The following SETBP1 variants were observed in gnomAD, a reference collection of about 807,000 sequenced individuals.
SETBP1 encodes the protein SET binding protein 1, also known as SET-binding protein.
Under a neutral mutation model 101.0 loss-of-function variants are expected in SETBP1, and 9 were observed. The ratio of observed to expected loss-of-function variants is 0.09; its 90% CI spans 0.05 to 0.16. The LOEUF is 0.16. SETBP1 is among the 10% of genes least tolerant of loss of function. SETBP1 has a pLI of 1.00. For missense variants in SETBP1, 1,858 were observed against 2,033.8 expected, an observed-to-expected ratio of 0.91 and a Z score of 1.66; for synonymous variants, 818 against 788.5, an observed-to-expected ratio of 1.04 and a Z score of -0.63.
At chr18:44,712,816 A>G (rs2069373885) in intron 2 of SETBP1, among the ~76,000 whole-genome samples, 1 of 152,148 alleles carries the variant, frequency 6.6e-6, no homozygotes, top group Admixed American at 6.5e-5. Flanking sequence ...GCATCTGGTC[A>G]TTAGGCAGGA....
At chr18:44,877,501 C>A in intron 3 of SETBP1, 1 of 351,364 alleles carries the variant, frequency 2.8e-6, no homozygotes, top group Non-Finnish European at 4.0e-6. Context: ...AATGGTTCCA[C>A]TCGTAACAGT....
At chr18:44,928,416 A>G (rs2070752075) in intron 3 of SETBP1, among the ~76,000 whole-genome samples, 1 of 152,258 alleles carries the variant, frequency 6.6e-6, no homozygotes, top group South Asian at 2.1e-4. Context: ...ATATAGCAGC[A>G]TGATTTATAA....
intron 4 of SETBP1, among the ~76,000 whole-genome samples, chr18:44,956,880 C>T (rs1469852849): frequency 6.6e-6 from 1 of 152,194 alleles, no homozygotes; most frequent in African/African-American, 2.4e-5. Flanking sequence ...GTCTTGTTAG[C>T]CCACTTCTAA....
chr18:44,994,806 T>G (rs748503510), intron 4 of SETBP1, among the ~76,000 whole-genome samples: 13 of 152,050 alleles, frequency 8.5e-5, no homozygotes, highest in Non-Finnish European at 1.5e-4. Flanking sequence ...AATTCAAAAA[T>G]ATGAAAAAAC....
chr18:44,909,612 C>A (rs746187150), intron 3 of SETBP1, among the ~76,000 whole-genome samples: 1 of 152,158 alleles, frequency 6.6e-6, no homozygotes, highest in East Asian at 1.9e-4. Flanking sequence ...TTATAGTAAC[C>A]GATGCTACTG....
Position 44,869,259 on chromosome 18 carries a change from T to G in SETBP1, c.516T>G (p.Ser172Arg). The change falls in exon 3 of 6, where the codon AGT becomes AGG. Residue 172 changes from serine to arginine, a missense_variant. Physicochemically the swap from Ser to Arg is moderately radical, Grantham distance 110 (BLOSUM62 -1). This residue lies in a region of SETBP1 where 581 missense variants were observed against 535.1 expected (regional missense o/e 1.09). Transcript: ENST00000649279. The stretch of plus-strand genomic sequence containing the variant: ...TCACAGCCAGTGACCTTGCAGCCAG[T>G]GACCTCAAAGGATTTCAGCCACAGG... ...KLLTASDLAA[S>R]DLKGFQPQAY... The G allele has an allele frequency of 1.2e-6, 2 of 1,614,138 alleles. No homozygotes were observed. The highest frequency in any genetic ancestry group is 1.7e-6 in the Non-Finnish European group (2 of 1,179,980).
intron 3 of SETBP1, among the ~76,000 whole-genome samples, chr18:44,882,758 G>A (rs899784911): frequency 6.6e-6 from 1 of 152,114 alleles, no homozygotes; most frequent in Non-Finnish European, 1.5e-5. Context: ...TATCAGATTA[G>A]CATGGCAGGG....
chr18:44,835,249 C>T (rs963669743), intron 2 of SETBP1, among the ~76,000 whole-genome samples: 10 of 152,112 alleles, frequency 6.6e-5, no homozygotes, highest in African/African-American at 2.4e-4. Flanking sequence ...GGGAGGGGCT[C>T]TACAGCTCTT....
At chr18:44,998,426 C>G (rs953398415) in intron 4 of SETBP1, among the ~76,000 whole-genome samples, 1 of 152,198 alleles carries the variant, frequency 6.6e-6, no homozygotes, top group Admixed American at 6.5e-5. Flanking sequence ...TTAAAGACCC[C>G]GGAGATTTCA....
chr18:44,695,655 T>C (rs1239544844), intron 1 of SETBP1, among the ~76,000 whole-genome samples: 1 of 152,126 alleles, frequency 6.6e-6, no homozygotes, highest in African/African-American at 2.4e-5. Flanking sequence ...GATGAAGAGC[T>C]TGGGGAAGTT....
intron 4 of SETBP1, among the ~76,000 whole-genome samples, chr18:44,968,999 G>A (rs1300684868): frequency 6.6e-6 from 1 of 152,162 alleles, no homozygotes; most frequent in African/African-American, 2.4e-5. Flanking sequence ...TTTGGTGGGA[G>A]TCAGGGGTGG....
intron 2 of SETBP1, among the ~76,000 whole-genome samples, chr18:44,835,187 G>A (rs1482438118): frequency 6.6e-6 from 1 of 152,116 alleles, no homozygotes; most frequent in Admixed American, 6.5e-5. Flanking sequence ...GGTCACAGAG[G>A]AGTAGCCATG....
intron 4 of SETBP1, among the ~76,000 whole-genome samples, chr18:44,983,251 A>G (rs1280873684): frequency 6.6e-6 from 1 of 152,202 alleles, no homozygotes. Flanking sequence ...TGATTGGGGA[A>G]AAACAGGTAC....
At chr18:44,869,743 G>A (rs2069230406) in intron 3 of SETBP1, 1 of 256,694 alleles carries the variant, frequency 3.9e-6, no homozygotes, top group Non-Finnish European at 7.7e-6. Flanking sequence ...GACAGTTGAG[G>A]TTTGCTGATC....
At chr18:45,023,484 AC>A (rs1482957680) in intron 4 of SETBP1, among the ~76,000 whole-genome samples, 1 of 152,212 alleles carries the variant, frequency 6.6e-6, no homozygotes. Flanking sequence ...AGGCACTGAA[AC>A]TTTTACTGAA....
At chr18:45,037,818 A>T (rs1420566586) in intron 4 of SETBP1, among the ~76,000 whole-genome samples, 1 of 152,138 alleles carries the variant, frequency 6.6e-6, no homozygotes, top group African/African-American at 2.4e-5. Context: ...CAGGCTGATG[A>T]CACACTAATC....
At chr18:44,733,960 C>A (rs891142980) in intron 2 of SETBP1, among the ~76,000 whole-genome samples, 6 of 152,092 alleles carry the variant, frequency 3.9e-5, no homozygotes, top group African/African-American at 1.4e-4. Flanking sequence ...ACAGGATCTG[C>A]CCGGTCCAAA....
chr18:44,894,379 C>T (rs1373732634), intron 3 of SETBP1, among the ~76,000 whole-genome samples: 1 of 152,004 alleles, frequency 6.6e-6, no homozygotes, highest in Non-Finnish European at 1.5e-5. Flanking sequence ...ATGTGTATTC[C>T]TGATCATCTT....
At chr18:44,920,521 G>A (rs111760840) in intron 3 of SETBP1, among the ~76,000 whole-genome samples, 24 of 152,318 alleles carry the variant, frequency 1.6e-4, no homozygotes, top group African/African-American at 5.5e-4. Flanking sequence ...GGCTAAGCCC[G>A]GCAAGAAAGA....
Sources: gnomAD v4.1 joint callset for allele counts (sites outside exome capture counted in the v4.1 genomes callset) on GRCh38, gnomAD v4.1.1 for gene constraint, gnomAD v4.1.1 regional missense constraint, MANE v1.5 for transcripts, NCBI Gene and HGNC (gene_info 2026-07-23, HGNC 2026-07-21) for gene names.